Variants in DHX30 observed in about 807,000 individuals in gnomAD.
DHX30 encodes DExH-box helicase 30, also known as ATP-dependent RNA helicase DHX30.
DHX30 carries 4 observed loss-of-function variants against 116.9 expected under a neutral mutation model. That is an observed-to-expected ratio of 0.03 (90% CI 0.02 to 0.08). The LOEUF (loss-of-function observed/expected upper bound fraction) is 0.08. Ranked by LOEUF, DHX30 falls within the 10% of genes least tolerant of loss-of-function variation. The pLI is 1.00. For synonymous variants in DHX30, 697 were observed against 651.7 expected (o/e 1.07, Z -1.06); for missense variants, 871 against 1,595.1 (o/e 0.55, Z 7.73).
At position 47,846,307 on chromosome 3, in the gene DHX30, G is replaced by A. The variant is rs1406905859; in HGVS notation, c.1235G>A (p.Arg412His). The change falls in exon 11 of 22, where the codon CGT (arginine) becomes CAT (histidine). Residue 412 changes from arginine (R) to histidine (H), a missense_variant. This residue lies in a region of DHX30 where 175 missense variants were observed against 292.9 expected (regional missense o/e 0.60). Transcript: ENST00000445061. ...CCCCTGTTGGAAGCAGAGGAGGTAC[G>A]TCTCAGCCAGAGTCTGCTAGAACTG... Reference protein sequence around the residue: ...YVPLLEAEEVRLSQSLLELWR... With the variant: ...YVPLLEAEEVHLSQSLLELWR... 11 of 1,614,198 alleles carry A rather than the reference G, an allele frequency of 6.8e-6. No homozygotes were observed. Among genetic ancestry groups the A allele is most frequent in the East Asian group, 6.7e-5 (3 of 44,884 alleles).
chr3:47,811,472 C>T (rs1271049970), intron 3 of DHX30, among the ~76,000 whole-genome samples: 1 of 152,086 alleles, frequency 6.6e-6, no homozygotes, highest in Non-Finnish European at 1.5e-5. Context: ...AGCACCTGGC[C>T]AGCATTTCGC....
chr3:47,808,847 G>A (rs1406270140), intron 2 of DHX30, among the ~76,000 whole-genome samples: 4 of 151,572 alleles, frequency 2.6e-5, no homozygotes, highest in African/African-American at 9.7e-5. Flanking sequence ...AAAGTGCTGG[G>A]ATTACAGGCA....
In DHX30 at chr3:47,816,350, C is replaced by T. The variant is rs143034388; in HGVS notation, c.29-1672C>T. ...GTGATGCTGCAAATGTACAAAGAGCCGTCTTCTTTTTTTTTTTTTTTTTTT... is the reference window on the plus strand; with the variant it reads ...GTGATGCTGCAAATGTACAAAGAGCTGTCTTCTTTTTTTTTTTTTTTTTTT... On this transcript the variant is annotated intron_variant, in intron 3 of 21. Coordinates refer to ENST00000445061, the MANE Select transcript of DHX30 (RefSeq NM_138615.3). 3,262 of 965,212 alleles carry T rather than the reference C, an allele frequency of 3.4e-3. 8 individuals are homozygous for T. Among genetic ancestry groups the T allele is most frequent in the Middle Eastern group, 6.9e-3 (13 of 1,890 alleles). 59.8% of individuals were successfully genotyped at this position (965,212 alleles called of 1,614,324 possible). A position where few individuals can be genotyped will look rare whatever the true frequency, so the allele number is the denominator to read the frequency against.
intron 2 of DHX30, among the ~76,000 whole-genome samples, chr3:47,806,859 A>G (rs550804744): frequency 6.7e-6 from 1 of 149,724 alleles, no homozygotes; most frequent in Admixed American, 6.6e-5. Flanking sequence ...TCCCAAAGTG[A>G]TGGGATTACA....
At chr3:47,834,815 A>C (rs775415831) in intron 6 of DHX30, among the ~76,000 whole-genome samples, 14 of 152,108 alleles carry the variant, frequency 9.2e-5, no homozygotes, top group Non-Finnish European at 1.5e-4. Flanking sequence ...TGTACCATTC[A>C]TCCTTTGACA....
intron 4 of DHX30, chr3:47,819,167 A>G (rs1325866839): frequency 3.0e-6 from 4 of 1,311,656 alleles, no homozygotes; most frequent in Non-Finnish European, 4.1e-6. Context: ...CCACCCCCCT[A>G]CCGTTACCAA....
chr3:47,818,633 G>C (rs2036160632), intron 4 of DHX30, among the ~76,000 whole-genome samples: 1 of 152,168 alleles, frequency 6.6e-6, no homozygotes, highest in African/African-American at 2.4e-5. Context: ...TGGCAAGGTA[G>C]GCTGTCCTTT....
intron 9 of DHX30, among the ~76,000 whole-genome samples, chr3:47,845,146 G>A (rs1476871885): frequency 1.3e-5 from 2 of 152,090 alleles, no homozygotes; most frequent in Admixed American, 6.5e-5. Context: ...ACGTAGGGCT[G>A]TTCTGCTGTG....
chr3:47,825,264 G>T, intron 4 of DHX30: 1 of 571,944 alleles, frequency 1.7e-6, no homozygotes, highest in South Asian at 2.0e-5. Context: ...GCATCGGCGG[G>T]GGCGGGCGGT....
chr3:47,810,588 T>C lies in DHX30; in HGVS notation c.-27-69T>C, dbSNP rs183427853. The C allele has an allele frequency of 4.0e-4, 509 of 1,263,048 alleles. 3 individuals carry two copies. In the African/African-American group the frequency reaches 6.6e-3, roughly 16 times the overall value. 78.2% of individuals were successfully genotyped at this position (1,263,048 alleles called of 1,614,324 possible). On this transcript the variant is annotated intron_variant, in intron 2 of 21. Transcript: ENST00000445061. ...TTCTGAACAGTGCTCTCCATGTTACTGAAGTCTTCTTTGTGGGTTGCTGGA... is the reference window on the plus strand; with the variant it reads ...TTCTGAACAGTGCTCTCCATGTTACCGAAGTCTTCTTTGTGGGTTGCTGGA...
intron 2 of DHX30, among the ~76,000 whole-genome samples, chr3:47,808,152 T>C (rs1052473383): frequency 4.6e-5 from 7 of 151,740 alleles, no homozygotes; most frequent in Admixed American, 3.9e-4. Flanking sequence ...TCAGGTGATC[T>C]GCTTGCCTCG....
chr3:47,840,442 C>G (rs2037321863), intron 6 of DHX30, among the ~76,000 whole-genome samples: 4 of 151,690 alleles, frequency 2.6e-5, no homozygotes. Context: ...TCCAGGAGTT[C>G]AAGACCATCC....
intron 3 of DHX30, chr3:47,816,200 G>A: frequency 1.0e-6 from 1 of 980,160 alleles, no homozygotes; most frequent in Non-Finnish European, 1.2e-6. Context: ...TATTATAAGA[G>A]AGCTTATGGG....
In DHX30 at chr3:47,807,703, CAAAAAAA is replaced by C. The variant is rs1202083372; in HGVS notation, c.-28+2301_-28+2307del. 4.4e-3 allele frequency among the ~76,000 whole-genome samples: 143 copies of C among 32,762 alleles called. 2 individuals are homozygous for C. Among genetic ancestry groups the C allele is most frequent in the African/African-American group, 0.011 (89 of 7,748 alleles). 21.5% of individuals were successfully genotyped at this position (32,762 alleles called of 152,430 possible). A position where few individuals can be genotyped will look rare whatever the true frequency, so the allele number is the denominator to read the frequency against. On this transcript the variant is annotated intron_variant, in intron 2 of 21. Transcript: ENST00000445061. ...CTGGTGACAGAGCGAGACTCTGTCT[CAAAAAAA>C]AAAAAAAAAAAAAAAAAGCAAAATC...
chr3:47,805,916 T>C (rs1411597297), intron 2 of DHX30, among the ~76,000 whole-genome samples: 1 of 152,192 alleles, frequency 6.6e-6, no homozygotes, highest in Non-Finnish European at 1.5e-5. Context: ...TGGAGTTAAA[T>C]TGTATTTCAT....
intron 6 of DHX30, among the ~76,000 whole-genome samples, chr3:47,830,530 G>A (rs544839513): frequency 2.0e-5 from 3 of 151,990 alleles, no homozygotes; most frequent in Non-Finnish European, 4.4e-5. Flanking sequence ...CTAACTCCTG[G>A]CCTCAAACAG....
intron 2 of DHX30, among the ~76,000 whole-genome samples, chr3:47,808,168 C>G (rs2035619766): frequency 6.6e-6 from 1 of 151,932 alleles, no homozygotes; most frequent in Non-Finnish European, 1.5e-5. Context: ...CCTCGGCCTC[C>G]CAAAATGCTG....
intron 6 of DHX30, among the ~76,000 whole-genome samples, chr3:47,840,433 C>T (rs2037321128): frequency 1.3e-5 from 2 of 151,566 alleles, no homozygotes; most frequent in Admixed American, 6.6e-5. Flanking sequence ...TCTGTTGGGT[C>T]CAGGAGTTCA....
chr3:47,834,092 C>T (rs1372287202), intron 6 of DHX30, among the ~76,000 whole-genome samples: 2 of 152,010 alleles, frequency 1.3e-5, no homozygotes, highest in Non-Finnish European at 2.9e-5. Flanking sequence ...CATATGAGAT[C>T]ATGTGGTATT....
Sources: gnomAD v4.1 joint callset for allele counts (sites outside exome capture counted in the v4.1 genomes callset) on GRCh38, gnomAD v4.1.1 for gene constraint, gnomAD v4.1.1 regional missense constraint, MANE v1.5 for transcripts, NCBI Gene and HGNC (gene_info 2026-07-23, HGNC 2026-07-21) for gene names.